Variants in LARP4B observed in about 807,000 individuals in gnomAD.
LARP4B encodes the protein La ribonucleoprotein 4B.
Under a neutral mutation model 89.8 loss-of-function variants are expected in LARP4B, and 12 were observed. The observed-to-expected ratio is 0.13, with a 90% CI of 0.09 to 0.22. The LOEUF is 0.22. Ranked by LOEUF, LARP4B falls within the 10% of genes least tolerant of loss-of-function variation. The pLI is 1.00. For missense variants in LARP4B, 757 were observed against 947.7 expected (o/e 0.80, Z 2.64); for synonymous variants, 367 against 363.3 (o/e 1.01, Z -0.12).
At chr10:879,141 C>G (rs988868894) in intron 3 of LARP4B, among the ~76,000 whole-genome samples, 1 of 152,112 alleles carries the variant, frequency 6.6e-6, no homozygotes, top group Non-Finnish European at 1.5e-5. Context: ...GAAAAGATCA[C>G]GGGTATGTGT....
chr10:829,065 T>C (rs140507689), intron 11 of LARP4B, among the ~76,000 whole-genome samples: 1 of 152,336 alleles, frequency 6.6e-6, no homozygotes, highest in Non-Finnish European at 1.5e-5. Flanking sequence ...CTCTTCCTCC[T>C]CAGTTAATCC....
At chr10:824,474 C>T (rs995526503) in intron 13 of LARP4B, among the ~76,000 whole-genome samples, 6 of 152,014 alleles carry the variant, frequency 3.9e-5, no homozygotes, top group African/African-American at 9.7e-5. Flanking sequence ...GCCTGGGCAA[C>T]GGAGTGAGAC....
intron 1 of LARP4B, chr10:924,389 GCCCAGTAACA>G (rs1564448428): frequency 6.6e-6 from 1 of 152,036 alleles, no homozygotes; most frequent in Non-Finnish European, 1.5e-5. Flanking sequence ...CTACCTTGCC[GCCCAGTAACA>G]CCCACATGTG....
chr10:873,091 A>AGG (rs1477521895), intron 3 of LARP4B: 1 of 985,366 alleles, frequency 1.0e-6, no homozygotes. Flanking sequence ...GTAACAGGCC[A>AGG]GTTTTTTCAC....
chr10:916,614 G>C (rs1191632111), intron 1 of LARP4B, among the ~76,000 whole-genome samples: 3 of 152,218 alleles, frequency 2.0e-5, no homozygotes, highest in Non-Finnish European at 1.5e-5. Flanking sequence ...AGAATCACTT[G>C]AATCTGTGAG....
chr10:894,571 C>T (rs1836132420), intron 1 of LARP4B, among the ~76,000 whole-genome samples: 1 of 151,860 alleles, frequency 6.6e-6, no homozygotes, highest in Non-Finnish European at 1.5e-5. Context: ...ACAGAGAAAA[C>T]TTTTTGACAT....
the LARP4B span, chr10:988,251 C>A: frequency 2.0e-6 from 1 of 504,646 alleles, no homozygotes; most frequent in Non-Finnish European, 3.6e-6. Flanking sequence ...ACCCGGGCGT[C>A]CTCTCCTCTG....
At chr10:906,011 A>C (rs554708369) in intron 1 of LARP4B, among the ~76,000 whole-genome samples, 10 of 152,380 alleles carry the variant, frequency 6.6e-5, no homozygotes, top group African/African-American at 2.4e-4. Context: ...CAAAAGAAAT[A>C]GTAAATCAAA....
chr10:868,020 C>T (rs1210741853), intron 3 of LARP4B, among the ~76,000 whole-genome samples: 3 of 152,072 alleles, frequency 2.0e-5, no homozygotes, highest in African/African-American at 4.8e-5. Flanking sequence ...AGTTCTGATG[C>T]TTTAAATAAA....
chr10:909,088 A>C (rs955128138), intron 1 of LARP4B, among the ~76,000 whole-genome samples: 2 of 152,008 alleles, frequency 1.3e-5, no homozygotes, highest in Non-Finnish European at 2.9e-5. Context: ...AGGTCAGGAG[A>C]TCAAGATCAT....
At chr10:823,355 G>C (rs1184310966) in intron 13 of LARP4B, among the ~76,000 whole-genome samples, 2 of 152,146 alleles carry the variant, frequency 1.3e-5, no homozygotes, top group East Asian at 3.8e-4. Flanking sequence ...TGCAAGATCT[G>C]CATCTGTCAG....
intron 3 of LARP4B, among the ~76,000 whole-genome samples, chr10:864,601 C>T (rs1167779725): frequency 6.6e-6 from 1 of 152,162 alleles, no homozygotes; most frequent in African/African-American, 2.4e-5. Flanking sequence ...AATAAAATCA[C>T]AATTCAGGGT....
chr10:843,781 A>ACACTCACCAG (rs1833644147), intron 6 of LARP4B, among the ~76,000 whole-genome samples: 1 of 152,208 alleles, frequency 6.6e-6, no homozygotes, highest in Non-Finnish European at 1.5e-5. Flanking sequence ...AGGCCAGGAT[A>ACACTCACCAG]AGGTCATACC....
the LARP4B span, among the ~76,000 whole-genome samples, chr10:965,654 C>T: frequency 1.8e-4 from 27 of 151,852 alleles, no homozygotes; most frequent in Non-Finnish European, 2.4e-4. Context: ...ATCGATGAAA[C>T]GGTTGTTTAT....
chr10:828,129 A>G (rs1455836014), intron 11 of LARP4B, among the ~76,000 whole-genome samples: 4 of 152,180 alleles, frequency 2.6e-5, no homozygotes, highest in African/African-American at 4.8e-5. Context: ...GCCAAAGCCC[A>G]CATGCCTCAG....
intron 1 of LARP4B, among the ~76,000 whole-genome samples, chr10:928,621 G>A (rs1370446862): frequency 1.3e-5 from 2 of 152,186 alleles, no homozygotes; most frequent in East Asian, 3.8e-4. Context: ...TCTCACTGTT[G>A]TCCAGGATGG....
the LARP4B span, among the ~76,000 whole-genome samples, chr10:954,247 A>G: frequency 6.6e-6 from 1 of 152,038 alleles, no homozygotes; most frequent in African/African-American, 2.4e-5. This position sits in a 1 kb window ranked among gnomAD's most constrained non-coding sequence, Gnocchi z 5.0. Context: ...GCCTGTGTCC[A>G]CCAGCCCGTC....
upstream of LARP4B, among the ~76,000 whole-genome samples, chr10:936,720 G>A (rs1028310019): frequency 4.6e-5 from 7 of 152,028 alleles, no homozygotes; most frequent in African/African-American, 9.6e-5. Context: ...GAAACTGTCC[G>A]CCCCCCAAAA....
At chr10:966,381 A>G in the LARP4B span, among the ~76,000 whole-genome samples, 1 of 152,190 alleles carries the variant, frequency 6.6e-6, no homozygotes, top group Non-Finnish European at 1.5e-5. Flanking sequence ...ACTTGAGCCC[A>G]GGAGTTTGAG....
Sources: allele counts gnomAD v4.1 joint callset (sites outside exome capture counted in the v4.1 genomes callset), GRCh38; gene constraint gnomAD v4.1.1; non-coding constraint Gnocchi (gnomAD v3.1); transcripts MANE v1.5; gene names NCBI Gene and HGNC (gene_info 2026-07-23, HGNC 2026-07-21).